AGFG1: variants seen among roughly 807,000 people sequenced by gnomAD.
The protein encoded by AGFG1 is arf-GAP domain and FG repeat-containing protein 1.
AGFG1 carries 10 observed loss-of-function variants against 60.6 expected under a neutral mutation model. The observed-to-expected ratio is 0.16, with a 90% CI of 0.10 to 0.28. The LOEUF is 0.28. AGFG1 is among the 10% of genes least tolerant of loss of function. The probability of loss-of-function intolerance (pLI) is 1.00; values close to 1 mark genes in which losing one functional copy is unlikely to be tolerated. For missense variants in AGFG1, 537 were observed against 676.5 expected (o/e 0.79, Z 2.29); for synonymous variants, 247 against 242.9 (o/e 1.02, Z -0.16).
chr2:227,477,493 G>A (rs556219658), intron 1 of AGFG1, among the ~76,000 whole-genome samples: 1 of 152,300 alleles, frequency 6.6e-6, no homozygotes, highest in South Asian at 2.1e-4. Flanking sequence ...CACCACCAAA[G>A]AATGTATGGT....
At chr2:227,486,743 C>T (rs1390236310) in intron 1 of AGFG1, among the ~76,000 whole-genome samples, 1 of 152,124 alleles carries the variant, frequency 6.6e-6, no homozygotes, top group Non-Finnish European at 1.5e-5. Flanking sequence ...AAAGAACTTC[C>T]ATGAATTTCT....
At chr2:227,518,443 A>T (rs1015548589) in intron 2 of AGFG1, among the ~76,000 whole-genome samples, 8 of 151,960 alleles carry the variant, frequency 5.3e-5, no homozygotes, top group Non-Finnish European at 1.0e-4. Context: ...TGTTACCAAC[A>T]CATGATGCAG....
intron 3 of AGFG1, among the ~76,000 whole-genome samples, chr2:227,521,176 A>G (rs1691815804): frequency 6.6e-6 from 1 of 152,082 alleles, no homozygotes; most frequent in Admixed American, 6.5e-5. Flanking sequence ...AGCAATTCTC[A>G]TGCCTCAGCC....
In AGFG1 at chr2:227,472,682, C is replaced by T; in HGVS notation, c.167+94C>T. On this transcript the variant is annotated intron_variant, in intron 1 of 12. Transcript: ENST00000310078. ...GGACCCTTCCGGGGCTGGGAAAGAG[C>T]CGGGTGCCGTGGGAGGCGGTCGGGG... 4 of 1,351,046 alleles carry T rather than the reference C, an allele frequency of 3.0e-6. No individual in the cohort carries two copies. In the South Asian group the frequency reaches 6.6e-5, roughly 22 times the overall value. The allele number at this position is 1,351,046 out of a possible 1,614,324, so 83.7% of individuals were successfully genotyped here.
At chr2:227,497,748 T>G (rs1401037172) in intron 2 of AGFG1, among the ~76,000 whole-genome samples, 4 of 136,558 alleles carry the variant, frequency 2.9e-5, no homozygotes, top group Admixed American at 7.6e-5. Flanking sequence ...TTTTTTTTTT[T>G]TTTTTTTTTT....
At chr2:227,541,409 A>G (rs1692489494) in intron 10 of AGFG1, among the ~76,000 whole-genome samples, 1 of 152,228 alleles carries the variant, frequency 6.6e-6, no homozygotes, top group Admixed American at 6.5e-5. Context: ...AGCTTTCTAC[A>G]TGTGGCTAGC....
At chr2:227,492,510 T>C (rs1690849627) in intron 2 of AGFG1, among the ~76,000 whole-genome samples, 1 of 152,056 alleles carries the variant, frequency 6.6e-6, no homozygotes, top group African/African-American at 2.4e-5. Context: ...GTTTTAATCT[T>C]CTCCTTGGAC....
At chr2:227,533,493 G>A (rs1692220639) in intron 6 of AGFG1, 56 bp from the exon 7 acceptor site, 1 of 1,421,568 alleles carries the variant, frequency 7.0e-7, no homozygotes, top group African/African-American at 1.4e-5. Context: ...TACAGTCTAT[G>A]AGAGGGTACT....
intron 2 of AGFG1, among the ~76,000 whole-genome samples, chr2:227,493,503 A>G (rs1559171522): frequency 1.3e-5 from 2 of 152,206 alleles, no homozygotes; most frequent in Non-Finnish European, 2.9e-5. Flanking sequence ...AATATTTTTT[A>G]AGGCTATAGC....
rs544545210 is a variant in AGFG1, at chr2:227,504,289, C to T, written c.261+12649C>T. Reference sequence around the variant, plus strand: ...CTTACTGCAGCCTTGACTTCCTGGGCTCAGGTGACTCTCCCACCTCAGCCT... The same window carrying T: ...CTTACTGCAGCCTTGACTTCCTGGGTTCAGGTGACTCTCCCACCTCAGCCT... On this transcript the variant is annotated intron_variant, in intron 2 of 12. Transcript: ENST00000310078. Among the ~76,000 whole-genome samples, 127 of 151,524 alleles carry T rather than the reference C, an allele frequency of 8.4e-4. 1 individual carries two copies. The highest frequency in any genetic ancestry group is 4.8e-3 in the South Asian group (23 of 4,800).
intron 2 of AGFG1, among the ~76,000 whole-genome samples, chr2:227,517,175 CTTA>C (rs1691676650): frequency 6.6e-6 from 1 of 152,162 alleles, no homozygotes; most frequent in Admixed American, 6.5e-5. Flanking sequence ...TGGATTGTGC[CTTA>C]CTCTAGTTCT....
intron 3 of AGFG1, among the ~76,000 whole-genome samples, chr2:227,522,465 T>G (rs983317405): frequency 6.6e-6 from 1 of 152,212 alleles, no homozygotes; most frequent in Admixed American, 6.5e-5. Flanking sequence ...GTGATTATTA[T>G]GTAGTTTAGT....
At chr2:227,476,429 A>G (rs1690281680) in intron 1 of AGFG1, among the ~76,000 whole-genome samples, 1 of 152,222 alleles carries the variant, frequency 6.6e-6, no homozygotes, top group African/African-American at 2.4e-5. Context: ...GTAATATAAA[A>G]GATTGTCCTA....
chr2:227,533,498 G>A, intron 6 of AGFG1, 51 bp from the exon 7 acceptor site: 1 of 1,449,328 alleles, frequency 6.9e-7, no homozygotes, highest in Non-Finnish European at 9.7e-7. Flanking sequence ...TCTATGAGAG[G>A]GTACTAGGAA....
At chr2:227,486,320 C>T (rs912354132) in intron 1 of AGFG1, among the ~76,000 whole-genome samples, 23 of 151,888 alleles carry the variant, frequency 1.5e-4, no homozygotes, top group African/African-American at 5.6e-4. Flanking sequence ...TGTTAATAGT[C>T]GTAGGGTTTT....
chr2:227,518,516 CTTTTTT>C (rs1222543055), intron 2 of AGFG1, among the ~76,000 whole-genome samples: 37 of 102,368 alleles, frequency 3.6e-4, no homozygotes, highest in Non-Finnish European at 7.2e-4. Flanking sequence ...GTCTCAGTGT[CTTTTTT>C]TTTTTTTTTT....
Position 227,553,773 on chromosome 2 carries a change from G to C in AGFG1, c.1607G>C (p.Gly536Ala), listed in dbSNP as rs1171010450. 1 of 1,613,588 alleles carries C rather than the reference G, an allele frequency of 6.2e-7. No homozygotes were observed. Among genetic ancestry groups the C allele is most frequent in the Non-Finnish European group, 8.5e-7 (1 of 1,179,758 alleles). ...CCTTTTGGTCAAGTTGCAGCTGCTGGAGTATCTAGTAATCCTTTTATGGTA... is the reference window on the plus strand; with the variant it reads ...CCTTTTGGTCAAGTTGCAGCTGCTGCAGTATCTAGTAATCCTTTTATGGTA... ...VTPFGQVAAA[G>A]VSSNPFMTGA... The change falls in exon 12 of 13, where the codon GGA becomes GCA. Residue 536 changes from glycine (G) to alanine (A), a missense_variant. Gly to Ala is a moderately conservative substitution (Grantham distance 60). Around this residue, in one of 4 missense-constraint regions of AGFG1, gnomAD observed 28 missense variants for 51.5 expected, o/e 0.54. Coordinates refer to ENST00000310078, the MANE Select transcript of AGFG1 (RefSeq NM_004504.5).
At chr2:227,535,921 ACTTT>A (rs1317798458) in intron 8 of AGFG1, among the ~76,000 whole-genome samples, 1 of 152,154 alleles carries the variant, frequency 6.6e-6, no homozygotes, top group Non-Finnish European at 1.5e-5. Flanking sequence ...TGAGGTTAAA[ACTTT>A]CTTTATAATA....
chr2:227,535,316 C>T (rs911176460), intron 8 of AGFG1, among the ~76,000 whole-genome samples: 1 of 152,154 alleles, frequency 6.6e-6, no homozygotes, highest in African/African-American at 2.4e-5. Flanking sequence ...AGATTGTACT[C>T]AGCAGAGAAT....
Sources: allele counts gnomAD v4.1 joint callset (sites outside exome capture counted in the v4.1 genomes callset), GRCh38; gene constraint gnomAD v4.1.1; regional missense constraint gnomAD v4.1.1; transcripts MANE v1.5; gene names NCBI Gene and HGNC (gene_info 2026-07-23, HGNC 2026-07-21).